The following PANK4 variants were observed in gnomAD, a reference collection of about 807,000 sequenced individuals.
The protein encoded by PANK4 is pantothenate kinase 4 (inactive).
In PANK4, 40 loss-of-function variants were observed where a neutral mutation model predicts 87.9. The ratio of observed to expected loss-of-function variants is 0.46; its 90% CI spans 0.35 to 0.59. The LOEUF (loss-of-function observed/expected upper bound fraction) is 0.59, where lower values mean the gene tolerates loss of function less well. Among genes scored for constraint, PANK4 ranks in the 20% least tolerant of loss-of-function variants. The probability of loss-of-function intolerance (pLI) is 0.00; values close to 1 mark genes in which losing one functional copy is unlikely to be tolerated. For missense variants in PANK4, 926 were observed against 1,072.3 expected, an observed-to-expected ratio of 0.86 and a Z score of 1.90; for synonymous variants, 524 against 467.4, an observed-to-expected ratio of 1.12 and a Z score of -1.56.
In PANK4 at chr1:2,515,589, G is replaced by T. The variant is rs201082851; in HGVS notation, c.1347C>A (p.Leu449=). Residue 449 remains leucine, a synonymous_variant, in exon 10 of 19, where the codon CTC becomes CTA. Transcript: ENST00000378466. This position sits in a 1 kb window ranked among gnomAD's most constrained non-coding sequence, Gnocchi z 5.0. ...TDDALARKYW[L]TCFEEALDGV... is the part of the protein sequence containing the mutation. ...CGTCCAGGGCCTCCTCAAAGCAGGT[G>T]AGCCAGTATTTTCGGGCCAGAGCGT... The T allele has an allele frequency of 4.6e-5, 75 of 1,613,142 alleles. No homozygotes were observed. In the East Asian group the frequency reaches 1.6e-3, roughly 34 times the overall value.
At position 2,526,569 on chromosome 1, in the gene PANK4, T is replaced by G. The variant is rs147458392; in HGVS notation, c.19A>C (p.Ser7Arg). The change falls in exon 1 of 19, where the codon AGC (serine) becomes CGC (arginine). Residue 7 changes from serine to arginine, a missense_variant. Physicochemically the swap from Ser to Arg is moderately radical, Grantham distance 110. Transcript: ENST00000378466. Reference sequence around the variant, plus strand: ...CTGTCCCCGCTGCTCCCGCTGCCGCTCGCTCCACACTCCGCCATTTTGAAA... The same window carrying G: ...CTGTCCCCGCTGCTCCCGCTGCCGCGCGCTCCACACTCCGCCATTTTGAAA... MAECGASGSGSSGDSLD... is the reference protein window; with the variant it reads MAECGARGSGSSGDSLD... The G allele has an allele frequency of 8.7e-6, 14 of 1,601,558 alleles. No individual in the cohort carries two copies. The highest frequency in any genetic ancestry group is 1.7e-4 in the Middle Eastern group (1 of 6,042).
Position 2,514,410 on chromosome 1 carries a change from C to T in PANK4, c.1431G>A (p.Ala477=), listed in dbSNP as rs755165110. ...QPDSVDAAER[A]EKFRQKYWNK... ...TCCAGTACTTCTGCCGGAACTTCTCCGCCCTCTCGGCTGCATCCACAGAGT... is the reference window on the plus strand; with the variant it reads ...TCCAGTACTTCTGCCGGAACTTCTCTGCCCTCTCGGCTGCATCCACAGAGT... The change falls in exon 11 of 19, where the codon GCG becomes GCA. Residue 477 remains alanine (A), a synonymous_variant. Coordinates refer to ENST00000378466, the MANE Select transcript of PANK4 (RefSeq NM_018216.4). The T allele has an allele frequency of 2.5e-5, 40 of 1,612,180 alleles. No homozygotes were observed. Among genetic ancestry groups the T allele is most frequent in the African/African-American group, 2.3e-4 (17 of 74,844 alleles).
chr1:2,524,615 G>A (rs1643904845), intron 1 of PANK4, among the ~76,000 whole-genome samples: 1 of 152,208 alleles, frequency 6.6e-6, no homozygotes, highest in South Asian at 2.1e-4. Flanking sequence ...GCCCTCTAGG[G>A]CTGCGACAGC....
Position 2,521,707 on chromosome 1 carries a change from T to C in PANK4, c.207+11A>G, listed in dbSNP as rs1333505522. On this transcript the variant is annotated intron_variant, in intron 2 of 18. Transcript: ENST00000378466. The stretch of plus-strand genomic sequence containing the variant: ...GCTGCCCTGCCCCGGGTGGCCACAG[T>C]GCAGGCTCACCTTTCCGGAGTGGTC... 5.0e-6 allele frequency: 8 copies of C among 1,609,574 alleles called. No homozygotes were observed. The African/African-American group carries it at 9.4e-5, about 19-fold the overall frequency.
Position 2,512,715 on chromosome 1 carries a change from C to T in PANK4, c.1727+173G>A. 7.5e-6 allele frequency: 5 copies of T among 666,500 alleles called. No individual in the cohort carries two copies. The South Asian group carries it at 9.0e-5, about 12-fold the overall frequency. 41.3% of individuals were successfully genotyped at this position (666,500 alleles called of 1,614,324 possible). ...ACAGACAAGGGCGCTGCGCCCTGCC[C>T]AGCCCCTGGCGCTGCTGCCATGTGC... On this transcript the variant is annotated intron_variant, in intron 13 of 18. Transcript: ENST00000378466.
rs773312130 is a variant in PANK4 at position 2,519,971 on chromosome 1, G to T, written c.700-17C>A. ...GTCAAACTTCTGCAGGACACGGCGAGGGGGCGGGTGAGGCGCCAGGAGCTG... is the reference window on the plus strand; with the variant it reads ...GTCAAACTTCTGCAGGACACGGCGATGGGGCGGGTGAGGCGCCAGGAGCTG... On this transcript the variant is annotated splice_polypyrimidine_tract_variant and intron_variant, in intron 5 of 18. Coordinates refer to ENST00000378466, the MANE Select transcript of PANK4 (RefSeq NM_018216.4). The surrounding 1 kb of genome is among the most constrained non-coding windows in gnomAD (Gnocchi z 8.3). The T allele has an allele frequency of 6.5e-7, 1 of 1,534,588 alleles. No individual in the cohort carries two copies. Among genetic ancestry groups the T allele is most frequent in the Non-Finnish European group, 8.8e-7 (1 of 1,135,140 alleles).
Position 2,509,968 on chromosome 1 carries a change from C to T in PANK4, c.2040-38G>A. On this transcript the variant is annotated intron_variant, in intron 17 of 18. Transcript: ENST00000378466. The surrounding 1 kb of genome is among the most constrained non-coding windows in gnomAD (Gnocchi z 4.9). ...AGGTGGTCAGTGCCCCCAGGAGCTCCCAGTTCAGTGACAATCCCCATGGCC... is the reference window on the plus strand; with the variant it reads ...AGGTGGTCAGTGCCCCCAGGAGCTCTCAGTTCAGTGACAATCCCCATGGCC... 6.3e-7 allele frequency: 1 copy of T among 1,597,258 alleles called. No individual in the cohort carries two copies. Among genetic ancestry groups the T allele is most frequent in the Non-Finnish European group, 8.5e-7 (1 of 1,170,600 alleles).
rs1557445696 is a variant in PANK4 at position 2,519,965 on chromosome 1, C to CG, written c.700-12dup. On this transcript the variant is annotated splice_polypyrimidine_tract_variant and intron_variant, in intron 5 of 18. Transcript: ENST00000378466. This position sits in a 1 kb window ranked among gnomAD's most constrained non-coding sequence, Gnocchi z 8.3. ...GAGCTCGTCAAACTTCTGCAGGACA[C>CG]GGCGAGGGGGCGGGTGAGGCGCCAG... is the stretch of plus-strand genomic sequence containing the variant. 1 of 1,542,194 alleles carries CG rather than the reference C, an allele frequency of 6.5e-7. No homozygotes were observed. Among genetic ancestry groups the CG allele is most frequent in the Non-Finnish European group, 8.8e-7 (1 of 1,139,590 alleles).
Position 2,519,302 on chromosome 1 carries a change from C to A in PANK4, c.876G>T (p.Ala292=). 1 of 1,609,342 alleles carries A rather than the reference C, an allele frequency of 6.2e-7. No individual in the cohort carries two copies. Residue 292 remains alanine, a synonymous_variant, in exon 7 of 19, where the codon GCG becomes GCT. Transcript: ENST00000378466. This position sits in a 1 kb window ranked among gnomAD's most constrained non-coding sequence, Gnocchi z 8.3. ...ADQEFSKEDM[A]KSLLHMISND... ...TGCTGATCATGTGCAGCAGGCTCTT[C>A]GCCATGTCTTCTTTGGAGAACTCTG...
Position 2,514,410 on chromosome 1 carries a change from C to G in PANK4, c.1431G>C (p.Ala477=), listed in dbSNP as rs755165110. Residue 477 remains alanine (A), a synonymous_variant, in exon 11 of 19, where the codon GCG becomes GCC. Coordinates refer to ENST00000378466, the MANE Select transcript of PANK4 (RefSeq NM_018216.4). ...TCCAGTACTTCTGCCGGAACTTCTC[C>G]GCCCTCTCGGCTGCATCCACAGAGT... ...QPDSVDAAER[A]EKFRQKYWNK... 6.1e-5 allele frequency: 99 copies of G among 1,612,178 alleles called. No homozygotes were observed. Among genetic ancestry groups the G allele is most frequent in the Admixed American group, 2.8e-4 (17 of 59,986 alleles).
At chr1:2,525,688 G>C (rs1048219349) in intron 1 of PANK4, 1 of 152,252 alleles carries the variant, frequency 6.6e-6, no homozygotes, top group Non-Finnish European at 1.5e-5. Flanking sequence ...CGGGAGTCAG[G>C]AGCGTGGGAA....
In PANK4 at chr1:2,520,919, C is replaced by T. The variant is rs757271286; in HGVS notation, c.423-13G>A. ...CTCCTTGTCGACTCTGAAAAGGAAG[C>T]GCCAACCCCTTAAAGAGTCTGGGCC... On this transcript the variant is annotated splice_polypyrimidine_tract_variant and intron_variant, in intron 3 of 18. Transcript: ENST00000378466. The surrounding 1 kb of genome is among the most constrained non-coding windows in gnomAD (Gnocchi z 6.2). The T allele has an allele frequency of 1.3e-5, 20 of 1,542,254 alleles. No individual in the cohort carries two copies. The African/African-American group carries it at 1.4e-4, about 11-fold the overall frequency.
intron 12 of PANK4, among the ~76,000 whole-genome samples, chr1:2,513,383 G>A (rs751240510): frequency 1.3e-5 from 2 of 152,258 alleles, no homozygotes; most frequent in African/African-American, 4.8e-5. Flanking sequence ...GGCGTGTGAG[G>A]GGAGGGAGGC....
chr1:2,517,534 G>A (rs554656493), intron 9 of PANK4, among the ~76,000 whole-genome samples: 45 of 152,344 alleles, frequency 3.0e-4, no homozygotes, highest in Non-Finnish European at 5.0e-4. Flanking sequence ...GACACGGGGC[G>A]GTTCCTGCCA....
At chr1:2,512,812 C>T in intron 13 of PANK4, 76 bp downstream of exon 13, 4 of 1,491,992 alleles carry the variant, frequency 2.7e-6, no homozygotes, top group Non-Finnish European at 3.7e-6. Flanking sequence ...ACCCGCTCCA[C>T]CTCCTTGCCC....
chr1:2,522,758 T>TGTGTGC (rs1643885873), intron 1 of PANK4, among the ~76,000 whole-genome samples: 1 of 20,500 alleles, frequency 4.9e-5, no homozygotes, highest in Admixed American at 5.0e-4. Flanking sequence ...ACCGTGTGTG[T>TGTGTGC]TATAGTAACT....
At position 2,509,856 on chromosome 1, in the gene PANK4, G is replaced by C. The variant is rs1169177299; in HGVS notation, c.2108+6C>G. The C allele has an allele frequency of 1.2e-6, 2 of 1,610,334 alleles. No individual in the cohort carries two copies. The highest frequency in any genetic ancestry group is 1.7e-6 in the Non-Finnish European group (2 of 1,179,006). ...GGGAGAGAACAGGTGCAGGGTGCGG[G>C]GTTACCTGAGGTCGAGGCACGGGGA... On this transcript the variant is annotated splice_donor_region_variant and intron_variant, in intron 18 of 18. Transcript: ENST00000378466. The surrounding 1 kb of genome is among the most constrained non-coding windows in gnomAD (Gnocchi z 4.9).
intron 13 of PANK4, among the ~76,000 whole-genome samples, chr1:2,512,089 C>T (rs941142754): frequency 3.9e-5 from 6 of 152,240 alleles, no homozygotes; most frequent in African/African-American, 1.2e-4. Context: ...GGAAGCCTCT[C>T]GGTGACTGGC....
chr1:2,514,365 C>T lies in PANK4; in HGVS notation c.1476G>A (p.Arg492=), dbSNP rs776344345. The T allele has an allele frequency of 6.2e-7, 1 of 1,611,510 alleles. No individual in the cohort carries two copies. Among genetic ancestry groups the T allele is most frequent in the South Asian group, 1.1e-5 (1 of 91,056 alleles). ...TGCTGGGCACTTACAAGGGCTGCTGCCTCAGGGTCTGAAGCTTGTTCCAGT... is the reference window on the plus strand; with the variant it reads ...TGCTGGGCACTTACAAGGGCTGCTGTCTCAGGGTCTGAAGCTTGTTCCAGT... ...QKYWNKLQTL[R]QQPFAYGTLT... is the part of the protein sequence containing the mutation. Residue 492 remains arginine, a synonymous_variant, in exon 11 of 19, where the codon AGG becomes AGA. Coordinates refer to ENST00000378466, the MANE Select transcript of PANK4 (RefSeq NM_018216.4).
Sources: gnomAD v4.1 joint callset for allele counts (sites outside exome capture counted in the v4.1 genomes callset) on GRCh38, gnomAD v4.1.1 for gene constraint, Gnocchi (gnomAD v3.1) non-coding constraint, MANE v1.5 for transcripts, NCBI Gene and HGNC (gene_info 2026-07-23, HGNC 2026-07-21) for gene names.